The following TNIK variants were observed in gnomAD, a reference collection of about 807,000 sequenced individuals.
TNIK encodes the protein TRAF2 and NCK interacting kinase, also known as TRAF2 and NCK-interacting protein kinase.
TNIK carries 49 observed loss-of-function variants against 191.3 expected under a neutral mutation model. The ratio of observed to expected loss-of-function variants is 0.26; its 90% confidence interval spans 0.20 to 0.32. The LOEUF is 0.32. Ranked by LOEUF, TNIK falls within the 10% of genes least tolerant of loss-of-function variation. TNIK has a pLI of 1.00. For missense variants in TNIK, 1,155 were observed against 1,702.3 expected (o/e 0.68, Z 5.66); for synonymous variants, 594 against 600.9 (o/e 0.99, Z 0.17).
At chr3:171,242,003 C>T (rs528692943) in intron 2 of TNIK, among the ~76,000 whole-genome samples, 14 of 132,336 alleles carry the variant, frequency 1.1e-4, no homozygotes, top group African/African-American at 2.5e-4. Flanking sequence ...CATCACACAC[C>T]GGGGCCTGTT....
At chr3:171,277,437 C>G (rs1226020645) in intron 2 of TNIK, among the ~76,000 whole-genome samples, 1 of 151,800 alleles carries the variant, frequency 6.6e-6, no homozygotes, top group Non-Finnish European at 1.5e-5. Flanking sequence ...TTTTGGGGAA[C>G]AGGTTCGGGA....
At chr3:171,236,853 G>T (rs1449760347) in intron 2 of TNIK, among the ~76,000 whole-genome samples, 1 of 152,134 alleles carries the variant, frequency 6.6e-6, no homozygotes, top group East Asian at 1.9e-4. Context: ...CCCGAAGCTG[G>T]CCCCTATTGT....
chr3:171,433,937 C>CTT (rs67036993), intron 1 of TNIK, among the ~76,000 whole-genome samples: 33 of 71,150 alleles, frequency 4.6e-4, no homozygotes, highest in East Asian at 1.4e-3. Flanking sequence ...TTTCTTTTTC[C>CTT]TTTTTTTTTT....
At position 171,061,714 on chromosome 3, in the gene TNIK, A is replaced by G. The variant is rs1341793203; in HGVS notation, c.*2167T>C. Reference sequence around the variant, plus strand: ...AGAGCTGGTGGCAATCACATTCGGGAGTGAAATCGAAATCAATATATTTTG... The same window carrying G: ...AGAGCTGGTGGCAATCACATTCGGGGGTGAAATCGAAATCAATATATTTTG... On this transcript the variant is annotated 3_prime_UTR_variant, in exon 33 of 33. Coordinates refer to ENST00000436636, the MANE Select transcript of TNIK (RefSeq NM_015028.4). The G allele has an allele frequency of 6.6e-6, 1 of 152,230 alleles. No homozygotes were observed. Among genetic ancestry groups the G allele is most frequent in the African/African-American group, 2.4e-5 (1 of 41,466 alleles). 9.4% of individuals were successfully genotyped at this position (152,230 alleles called of 1,614,324 possible). A position where few individuals can be genotyped will look rare whatever the true frequency, so the allele number is the denominator to read the frequency against.
intron 12 of TNIK, among the ~76,000 whole-genome samples, chr3:171,155,700 C>T (rs1413574163): frequency 6.6e-6 from 1 of 152,204 alleles, no homozygotes; most frequent in Non-Finnish European, 1.5e-5. Context: ...TGAGACAGAA[C>T]CCAGGTCAAA....
At chr3:171,336,482 A>G (rs997778171) in intron 2 of TNIK, among the ~76,000 whole-genome samples, 36 of 152,242 alleles carry the variant, frequency 2.4e-4, no homozygotes, top group Non-Finnish European at 8.8e-5. Flanking sequence ...GTATGACCAC[A>G]TAAGTCAAGC....
chr3:171,295,592 C>A (rs565895208), intron 2 of TNIK, among the ~76,000 whole-genome samples: 10 of 152,348 alleles, frequency 6.6e-5, no homozygotes, highest in Admixed American at 2.0e-4. Context: ...TGCTTTCTGA[C>A]AGTTCAATTA....
chr3:171,285,042 A>T (rs1750866155), intron 2 of TNIK, among the ~76,000 whole-genome samples: 1 of 152,254 alleles, frequency 6.6e-6, no homozygotes, highest in Admixed American at 6.5e-5. Flanking sequence ...AAGTTATCAT[A>T]GCCCTGCTTT....
At chr3:171,341,231 G>C (rs1395740239) in intron 2 of TNIK, among the ~76,000 whole-genome samples, 3 of 152,050 alleles carry the variant, frequency 2.0e-5, no homozygotes, top group Non-Finnish European at 4.4e-5. Context: ...CCAGCACTTT[G>C]GGAGGCCGAG....
chr3:171,330,683 T>G (rs1756315189), intron 2 of TNIK, among the ~76,000 whole-genome samples: 1 of 152,124 alleles, frequency 6.6e-6, no homozygotes, highest in Admixed American at 6.5e-5. Flanking sequence ...CCAAAAACCT[T>G]CTTGGGTGAA....
chr3:171,213,145 G>A (rs182776562), intron 3 of TNIK, among the ~76,000 whole-genome samples: 34 of 152,036 alleles, frequency 2.2e-4, no homozygotes, highest in Non-Finnish European at 4.0e-4. Flanking sequence ...AATGACCTTC[G>A]CCAGCCCTCA....
chr3:171,119,616 T>TA (rs1255724664), intron 18 of TNIK, among the ~76,000 whole-genome samples: 9 of 152,050 alleles, frequency 5.9e-5, no homozygotes, highest in African/African-American at 2.2e-4. Flanking sequence ...TATGCAGCCA[T>TA]AAAAAATGAT....
chr3:171,104,117 A>ATAGG (rs1576818712), intron 21 of TNIK, among the ~76,000 whole-genome samples: 1 of 152,128 alleles, frequency 6.6e-6, no homozygotes, highest in African/African-American at 2.4e-5. Context: ...GACATATACC[A>ATAGG]GAATCCCTAT....
chr3:171,458,030 C>T (rs1319309857), intron 1 of TNIK, among the ~76,000 whole-genome samples: 1 of 152,158 alleles, frequency 6.6e-6, no homozygotes, highest in African/African-American at 2.4e-5. Flanking sequence ...CAAGTCCCGG[C>T]CCAACTTAAA....
At chr3:171,307,482 C>T (rs1482103450) in intron 2 of TNIK, among the ~76,000 whole-genome samples, 4 of 152,150 alleles carry the variant, frequency 2.6e-5, no homozygotes, top group African/African-American at 9.7e-5. Flanking sequence ...GAAGTCTAAC[C>T]TAATCTGTGC....
intron 2 of TNIK, among the ~76,000 whole-genome samples, chr3:171,269,598 A>C (rs1263532062): frequency 6.6e-6 from 1 of 152,212 alleles, no homozygotes; most frequent in East Asian, 1.9e-4. Context: ...CACAGACACA[A>C]TATCAGCTTT....
At chr3:171,248,327 A>G (rs1188789415) in intron 2 of TNIK, among the ~76,000 whole-genome samples, 1 of 152,230 alleles carries the variant, frequency 6.6e-6, no homozygotes, top group Non-Finnish European at 1.5e-5. Context: ...CTGAGCAGGT[A>G]CATACACAGT....
chr3:171,125,685 G>C (rs2108569492), intron 17 of TNIK, among the ~76,000 whole-genome samples: 1 of 152,272 alleles, frequency 6.6e-6, no homozygotes, highest in Admixed American at 6.5e-5. Flanking sequence ...TAGGATCTGT[G>C]CTTCAATCTA....
intron 10 of TNIK, among the ~76,000 whole-genome samples, chr3:171,165,228 T>C (rs557541529): frequency 1.3e-5 from 2 of 151,886 alleles, no homozygotes; most frequent in East Asian, 3.9e-4. Flanking sequence ...GCCCGGGAGA[T>C]AGAGGTTGCA....
Sources: gnomAD v4.1 joint callset for allele counts (sites outside exome capture counted in the v4.1 genomes callset) on GRCh38, gnomAD v4.1.1 for gene constraint, MANE v1.5 for transcripts, NCBI Gene and HGNC (gene_info 2026-07-23, HGNC 2026-07-21) for gene names.